ANK1: variants seen among roughly 807,000 people sequenced by gnomAD.
The protein encoded by ANK1 is ankyrin-1.
A neutral mutation model predicts 210.4 loss-of-function variants in ANK1; 51 were observed. That is an observed-to-expected ratio of 0.24 (90% CI 0.19 to 0.31). ANK1 has a LOEUF of 0.31. Among genes scored for constraint, ANK1 ranks in the 10% least tolerant of loss-of-function variants. The pLI is 1.00. For synonymous variants in ANK1, 967 were observed against 1,025.9 expected (o/e 0.94, Z 1.10); for missense variants, 2,051 against 2,504.4 (o/e 0.82, Z 3.86).
intron 1 of ANK1, among the ~76,000 whole-genome samples, chr8:41,848,692 TACATCA>T (rs1165222311): frequency 6.6e-6 from 1 of 152,270 alleles, no homozygotes; most frequent in Admixed American, 6.5e-5. Flanking sequence ...GAGACCAGAC[TACATCA>T]ACTTGAAAAT....
chr8:41,775,625 A>T (rs935464679), intron 1 of ANK1, among the ~76,000 whole-genome samples: 12 of 152,222 alleles, frequency 7.9e-5, no homozygotes, highest in South Asian at 2.1e-4. Context: ...TATGCCTGTA[A>T]TCCCAGCACT....
At chr8:41,738,018 A>C (rs958817144) in intron 2 of ANK1, among the ~76,000 whole-genome samples, 1 of 152,244 alleles carries the variant, frequency 6.6e-6, no homozygotes, top group Non-Finnish European at 1.5e-5. Context: ...TGCATAAAAA[A>C]TAAATGCAAA....
In ANK1 at chr8:41,692,949, C is replaced by T. The variant is rs184709585; in HGVS notation, c.3630-73G>A. 4.8e-6 allele frequency: 7 copies of T among 1,463,476 alleles called. No homozygotes were observed. In the Admixed American group the frequency reaches 8.8e-5, roughly 18 times the overall value. The allele number at this position is 1,463,476 out of a possible 1,614,324, so 90.7% of individuals were successfully genotyped here. On this transcript the variant is annotated intron_variant, in intron 30 of 42. Transcript: ENST00000289734. The stretch of plus-strand genomic sequence containing the variant: ...ATCCTTTCCATCCAGACGGGAGCAG[C>T]CCGTGAGCCATACCATGGCTACTAT...
chr8:41,686,236 G>A lies in ANK1; in HGVS notation c.4306C>T (p.Arg1436Ter), dbSNP rs1586072383. The A allele has an allele frequency of 6.2e-7, 1 of 1,614,088 alleles. No individual in the cohort carries two copies. Among genetic ancestry groups the A allele is most frequent in the Non-Finnish European group, 8.5e-7 (1 of 1,180,034 alleles). The change falls in exon 36 of 43, where the codon CGA becomes TGA. Residue 1436 changes from arginine (R) to a stop codon, truncating the protein, a stop_gained. Coordinates refer to ENST00000289734, the MANE Select transcript of ANK1 (RefSeq NM_000037.4). LOFTEE classifies it high-confidence loss of function. ...QFSVEDINRI[R>*]VENPNSLLEQ... ...AACAGGGAGTTGGGATTTTCCACTC[G>A]GATCCTGTTGATGTCTTCCACACTG...
In ANK1 at chr8:41,725,891, G is replaced by A. The variant is rs149965445; in HGVS notation, c.482C>T (p.Ala161Val). ...CTTGGTGCCGTAGTTGATGAGGTGC[G>A]CGACGACGTTCTCATGGCCCTGCTG... Reference protein sequence around the residue: ...ALQQGHENVVAHLINYGTKGK... With the variant: ...ALQQGHENVVVHLINYGTKGK... Residue 161 changes from alanine to valine, a missense_variant, in exon 6 of 43, where the codon GCG becomes GTG. Transcript: ENST00000289734. 9.3e-6 allele frequency: 15 copies of A among 1,613,444 alleles called. No individual in the cohort carries two copies. Among genetic ancestry groups the A allele is most frequent in the South Asian group, 3.3e-5 (3 of 91,014 alleles).
chr8:41,849,777 G>A (rs1016066075), intron 1 of ANK1, among the ~76,000 whole-genome samples: 7 of 152,152 alleles, frequency 4.6e-5, no homozygotes, highest in African/African-American at 7.2e-5. Context: ...AGCTCCTTTC[G>A]TCAGCACGTC....
intron 1 of ANK1, among the ~76,000 whole-genome samples, chr8:41,850,021 G>A (rs1351899946): frequency 1.3e-5 from 2 of 152,072 alleles, no homozygotes; most frequent in Admixed American, 1.3e-4. Context: ...GTCCCTCACT[G>A]CAGCCTCCCC....
chr8:41,661,422 A>C lies in ANK1; in HGVS notation c.*36+8T>G. The C allele has an allele frequency of 6.2e-6, 10 of 1,613,852 alleles. No individual in the cohort carries two copies. Among genetic ancestry groups the C allele is most frequent in the Non-Finnish European group, 8.5e-6 (10 of 1,179,992 alleles). On this transcript the variant is annotated splice_region_variant and intron_variant, in intron 42 of 42. Coordinates refer to ENST00000289734, the MANE Select transcript of ANK1 (RefSeq NM_000037.4). ...GCCATGCAGAGGGGATGAGAAGGGC[A>C]GCGTTACCTCCCGAGAGGCTACTCC...
chr8:41,661,934 C>A lies in ANK1; in HGVS notation c.5486G>T (p.Arg1829Leu). ...CAAGTCTATCTGTCGAACCACCTTG[C>A]GAATGATCTAGGAAAGGAAGGGAAG... ...QGNIVTKKII[R>L]KVVRQIDLSS... Residue 1829 changes from arginine (R) to leucine (L), a missense_variant, in exon 41 of 43, where the codon CGC becomes CTC. Arg to Leu is a moderately radical substitution (Grantham distance 102). This residue lies in a region of ANK1 where 496 missense variants were observed against 533.4 expected (regional missense o/e 0.93). Coordinates refer to ENST00000289734, the MANE Select transcript of ANK1 (RefSeq NM_000037.4). 3 of 1,613,832 alleles carry A rather than the reference C, an allele frequency of 1.9e-6. No homozygotes were observed. Among genetic ancestry groups the A allele is most frequent in the South Asian group, 1.1e-5 (1 of 91,072 alleles).
intron 37 of ANK1, among the ~76,000 whole-genome samples, chr8:41,673,943 C>A (rs552409108): frequency 2.0e-5 from 3 of 152,332 alleles, no homozygotes; most frequent in Non-Finnish European, 4.4e-5. Context: ...CTGCCCCTTG[C>A]AGTCTCTAGG....
In ANK1 at chr8:41,696,317, G is replaced by A. The variant is rs2304883; in HGVS notation, c.2960+46C>T. 529,538 of 1,600,012 alleles carry A rather than the reference G, an allele frequency of 0.33. 89,066 individuals carry two copies. The highest frequency in any genetic ancestry group is 0.37 in the Middle Eastern group (2,060 of 5,512). On this transcript the variant is annotated intron_variant, in intron 26 of 42. Transcript: ENST00000289734. ...GACAGATGGAAATGGCGTGGCCTCC[G>A]TGGCACAGGGACAGGGGAGAACACG...
chr8:41,787,764 A>T (rs919874182), intron 1 of ANK1, among the ~76,000 whole-genome samples: 1 of 152,074 alleles, frequency 6.6e-6, no homozygotes, highest in African/African-American at 2.4e-5. Context: ...GCAGTGGGCC[A>T]TGACCACAGC....
chr8:41,707,458 A>T (rs2150618873), intron 17 of ANK1, among the ~76,000 whole-genome samples: 1 of 152,202 alleles, frequency 6.6e-6, no homozygotes, highest in Admixed American at 6.5e-5. Flanking sequence ...GGCAGTCATG[A>T]TGCCCCACCA....
In ANK1 at chr8:41,697,836, C is replaced by T. The variant is rs1821515764; in HGVS notation, c.2637+207G>A. 74 of 651,264 alleles carry T rather than the reference C, an allele frequency of 1.1e-4. 4 individuals carry two copies. In the South Asian group the frequency reaches 1.2e-3, roughly 10 times the overall value. The allele number at this position is 651,264 out of a possible 1,614,324, so 40.3% of individuals were successfully genotyped here. ...GCGCCACCACAGGAAAGGGCCCCAT[C>T]TGACCATCTCTTCCAGACGCCGCCC... is the stretch of plus-strand genomic sequence containing the variant. On this transcript the variant is annotated intron_variant, in intron 24 of 42. Transcript: ENST00000289734.
chr8:41,779,106 G>A (rs1207589969), intron 1 of ANK1, among the ~76,000 whole-genome samples: 3 of 152,146 alleles, frequency 2.0e-5, no homozygotes, highest in African/African-American at 7.2e-5. Flanking sequence ...GCAGGGATAA[G>A]GCAGCAGCAC....
At chr8:41,663,946 G>A (rs1809449894) in intron 39 of ANK1, 2 of 663,018 alleles carry the variant, frequency 3.0e-6, no homozygotes, top group African/African-American at 3.6e-5. Context: ...TGGGAGGCCT[G>A]AAGACGAACG....
intron 2 of ANK1, among the ~76,000 whole-genome samples, chr8:41,750,710 A>C (rs145805266): frequency 1.3e-5 from 2 of 152,226 alleles, no homozygotes; most frequent in Admixed American, 1.3e-4. Flanking sequence ...ATAAGCAGAC[A>C]CATACATGCA....
At chr8:41,797,691 C>G, upstream of ANK1, 1 of 1,200,636 alleles carries the variant, frequency 8.3e-7, no homozygotes. The surrounding 1 kb of genome is among the most constrained non-coding windows in gnomAD (Gnocchi z 4.0). Flanking sequence ...TGCTGTCGGG[C>G]CGGGCGCTCC....
intron 39 of ANK1, chr8:41,664,753 G>C (rs907223971): frequency 6.5e-7 from 1 of 1,531,336 alleles, no homozygotes; most frequent in Non-Finnish European, 8.8e-7. Flanking sequence ...CCTCAGCCCC[G>C]GCCTCCGGCG....
Sources: gnomAD v4.1 joint callset for allele counts (sites outside exome capture counted in the v4.1 genomes callset) on GRCh38, gnomAD v4.1.1 for gene constraint, gnomAD v4.1.1 regional missense constraint, Gnocchi (gnomAD v3.1) non-coding constraint, MANE v1.5 for transcripts, NCBI Gene and HGNC (gene_info 2026-07-23, HGNC 2026-07-21) for gene names.